The following GRM7 variants were observed in gnomAD, a reference collection of about 807,000 sequenced individuals.
The protein encoded by GRM7 is glutamate metabotropic receptor 7, also known as metabotropic glutamate receptor 7.
GRM7 carries 35 observed loss-of-function variants against 84.5 expected under a neutral mutation model. That is an observed-to-expected ratio of 0.41 (90% CI 0.32 to 0.55). The LOEUF is 0.55. Ranked by LOEUF, GRM7 falls within the 20% of genes least tolerant of loss-of-function variation. GRM7 has a pLI of 0.19. For missense variants in GRM7, 1,003 were observed against 1,194.6 expected (o/e 0.84, Z 2.36); for synonymous variants, 487 against 455.1 (o/e 1.07, Z -0.89).
chr3:7,075,378 C>A (rs1165565730), intron 1 of GRM7, among the ~76,000 whole-genome samples: 2 of 152,130 alleles, frequency 1.3e-5, no homozygotes, highest in African/African-American at 4.8e-5. Flanking sequence ...TCTCTGGAAC[C>A]TTTCTTCCTT....
chr3:7,696,542 A>C (rs767826949), intron 9 of GRM7, among the ~76,000 whole-genome samples: 1 of 152,206 alleles, frequency 6.6e-6, no homozygotes, highest in Non-Finnish European at 1.5e-5. Context: ...AAGCCAAATT[A>C]AATATTCAAG....
chr3:7,585,817 A>G lies in GRM7; in HGVS notation c.2451+6460A>G, dbSNP rs116615535. On this transcript the variant is annotated intron_variant, in intron 8 of 9. Transcript: ENST00000357716. ...GAGACCATCTCTCATTTTCAGAAAG[A>G]ATCTTTCTCAAAGCACAGGAAACCA... 9.8e-3 allele frequency among the ~76,000 whole-genome samples: 1,493 copies of G among 152,294 alleles called. 11 individuals carry two copies. Among genetic ancestry groups the G allele is most frequent in the Non-Finnish European group, 0.015 (1,029 of 68,016 alleles).
chr3:7,130,804 G>T (rs1267963123), intron 1 of GRM7, among the ~76,000 whole-genome samples: 3 of 152,142 alleles, frequency 2.0e-5, no homozygotes, highest in Non-Finnish European at 4.4e-5. Flanking sequence ...GTTTCTGGAT[G>T]TAGGAAGGAA....
intron 4 of GRM7, among the ~76,000 whole-genome samples, chr3:7,368,203 C>G (rs1468283325): frequency 6.6e-6 from 1 of 151,946 alleles, no homozygotes; most frequent in Non-Finnish European, 1.5e-5. Flanking sequence ...ATTTCTGGAA[C>G]TTGTTTCCTG....
At chr3:6,947,216 A>G (rs2125064187) in intron 1 of GRM7, among the ~76,000 whole-genome samples, 1 of 152,202 alleles carries the variant, frequency 6.6e-6, no homozygotes, top group Admixed American at 6.5e-5. Context: ...TATTATTTTG[A>G]GCTATGTCCC....
chr3:6,988,260 C>T (rs963044788), intron 1 of GRM7, among the ~76,000 whole-genome samples: 6 of 148,902 alleles, frequency 4.0e-5, no homozygotes, highest in South Asian at 2.1e-4. Context: ...CTGCCTGCCT[C>T]GGCCTCCCAA....
At chr3:7,250,297 G>A (rs1697930741) in intron 2 of GRM7, among the ~76,000 whole-genome samples, 2 of 152,016 alleles carry the variant, frequency 1.3e-5, no homozygotes, top group South Asian at 2.1e-4. Context: ...AATCATTATT[G>A]GGAGCCAGAG....
intron 6 of GRM7, among the ~76,000 whole-genome samples, chr3:7,460,071 C>T (rs147750241): frequency 4.7e-3 from 543 of 114,398 alleles, no homozygotes; most frequent in African/African-American, 0.018. Flanking sequence ...GCATCTTAAC[C>T]AGACAGGGAA....
chr3:7,694,860 C>CTAATT (rs1371441046), intron 9 of GRM7, among the ~76,000 whole-genome samples: 26 of 152,278 alleles, frequency 1.7e-4, no homozygotes, highest in Admixed American at 1.4e-3. Context: ...ATACTTCGGT[C>CTAATT]TAATTTAAAT....
At chr3:7,527,020 G>A (rs1322849802) in intron 7 of GRM7, among the ~76,000 whole-genome samples, 1 of 151,678 alleles carries the variant, frequency 6.6e-6, no homozygotes, top group Admixed American at 6.6e-5. Flanking sequence ...GCTCTTTTTA[G>A]TTCTATAAAA....
intron 7 of GRM7, among the ~76,000 whole-genome samples, chr3:7,464,165 C>T (rs997449526): frequency 6.6e-6 from 1 of 152,130 alleles, no homozygotes; most frequent in Non-Finnish European, 1.5e-5. Flanking sequence ...TATCAGAAGT[C>T]ATTGGGCAAT....
intron 9 of GRM7, among the ~76,000 whole-genome samples, chr3:7,730,768 T>C (rs1702300137): frequency 6.6e-6 from 1 of 152,218 alleles, no homozygotes; most frequent in Non-Finnish European, 1.5e-5. Flanking sequence ...CTTTGATGTA[T>C]GATTGCACTG....
chr3:7,502,584 ATGTG>A (rs151019545), intron 7 of GRM7, among the ~76,000 whole-genome samples: 3 of 151,922 alleles, frequency 2.0e-5, no homozygotes, highest in Non-Finnish European at 4.4e-5. Flanking sequence ...GTGTGTGTGT[ATGTG>A]TGTGTGTGCA....
At chr3:7,576,234 C>G (rs541939428) in intron 7 of GRM7, among the ~76,000 whole-genome samples, 23 of 152,226 alleles carry the variant, frequency 1.5e-4, no homozygotes, top group Non-Finnish European at 2.8e-4. Flanking sequence ...TAAGTTATTT[C>G]CCTAATTTTA....
chr3:7,452,681 G>A lies in GRM7; in HGVS notation c.1249G>A (p.Ala417Thr). The A allele has an allele frequency of 6.2e-7, 1 of 1,613,210 alleles. No individual in the cohort carries two copies. The highest frequency in any genetic ancestry group is 8.5e-7 in the Non-Finnish European group (1 of 1,179,334). The change falls in exon 6 of 10, where the codon GCT becomes ACT. Residue 417 changes from alanine (A) to threonine (T), a missense_variant. Transcript: ENST00000357716. ...CCAGTTCGTGATTGACGCAGTCTAT[G>A]CTATGGCTCACGCCCTTCACCACAT... is the stretch of plus-strand genomic sequence containing the variant. ...KVQFVIDAVY[A>T]MAHALHHMNK...
chr3:7,499,933 C>T (rs1699830988), intron 7 of GRM7, among the ~76,000 whole-genome samples: 1 of 152,114 alleles, frequency 6.6e-6, no homozygotes, highest in African/African-American at 2.4e-5. Flanking sequence ...CGTCACCACG[C>T]CCGGCTAATT....
chr3:7,347,861 T>A (rs1258086841), intron 4 of GRM7, among the ~76,000 whole-genome samples: 1 of 152,202 alleles, frequency 6.6e-6, no homozygotes, highest in Non-Finnish European at 1.5e-5. Flanking sequence ...TCCCTTGGAC[T>A]TCAGTCGGTT....
intron 2 of GRM7, among the ~76,000 whole-genome samples, chr3:7,147,237 G>A (rs904204074): frequency 1.3e-5 from 2 of 152,124 alleles, no homozygotes; most frequent in African/African-American, 2.4e-5. Context: ...ATTCTCTTAC[G>A]TTTGTTTATT....
At chr3:7,379,880 C>T (rs1694515195) in intron 4 of GRM7, among the ~76,000 whole-genome samples, 1 of 152,094 alleles carries the variant, frequency 6.6e-6, no homozygotes, top group Non-Finnish European at 1.5e-5. Flanking sequence ...TCTTCCTTAC[C>T]TGCTTCCTCA....
Sources: allele counts gnomAD v4.1 joint callset (sites outside exome capture counted in the v4.1 genomes callset), GRCh38; gene constraint gnomAD v4.1.1; transcripts MANE v1.5; gene names NCBI Gene and HGNC (gene_info 2026-07-23, HGNC 2026-07-21).